The following TXNRD1 variants were observed in gnomAD, a reference collection of about 807,000 sequenced individuals.
TXNRD1 encodes the protein thioredoxin reductase 1, cytoplasmic.
A neutral mutation model predicts 80.3 loss-of-function variants in TXNRD1; 57 were observed. The ratio of observed to expected loss-of-function variants is 0.71; its 90% CI spans 0.57 to 0.89. The LOEUF is 0.89. Among genes scored for constraint, TXNRD1 ranks in the 40% least tolerant of loss-of-function variants. TXNRD1 has a pLI of 0.00. For synonymous variants in TXNRD1, 291 were observed against 285.2 expected (o/e 1.02, Z -0.20); for missense variants, 730 against 803.0 (o/e 0.91, Z 1.10).
intron 13 of TXNRD1, among the ~76,000 whole-genome samples, chr12:104,328,519 G>C (rs2035843253): frequency 6.6e-6 from 1 of 152,134 alleles, no homozygotes; most frequent in Non-Finnish European, 1.5e-5. Flanking sequence ...CACTTTGGGA[G>C]GCTGATGCAG....
chr12:104,305,544 A>G (rs1011517652), intron 4 of TXNRD1, among the ~76,000 whole-genome samples: 2 of 152,230 alleles, frequency 1.3e-5, no homozygotes, highest in African/African-American at 4.8e-5. Flanking sequence ...AAAGGTGAGT[A>G]GAAACACGAA....
chr12:104,311,245 C>T, intron 4 of TXNRD1, 45 bp from the exon 5 acceptor site: 1 of 1,516,448 alleles, frequency 6.6e-7, no homozygotes, highest in Non-Finnish European at 8.8e-7. Context: ...TTGGACATTG[C>T]TGATTTTAAG....
chr12:104,300,759 G>A (rs993824626), intron 4 of TXNRD1, among the ~76,000 whole-genome samples: 41 of 152,002 alleles, frequency 2.7e-4, no homozygotes, highest in African/African-American at 9.9e-4. Context: ...CGCAACCTCT[G>A]CCTCCCAGGT....
intron 12 of TXNRD1, among the ~76,000 whole-genome samples, chr12:104,327,178 G>A (rs1350208089): frequency 6.6e-6 from 1 of 152,164 alleles, no homozygotes; most frequent in Non-Finnish European, 1.5e-5. Context: ...TTTTCTTCCA[G>A]TGCCATTCAC....
At chr12:104,274,744 A>T (rs1164393554) in intron 3 of TXNRD1, among the ~76,000 whole-genome samples, 1 of 151,920 alleles carries the variant, frequency 6.6e-6, no homozygotes, top group Non-Finnish European at 1.5e-5. Context: ...AATAAGCTAT[A>T]TGGCACTTCT....
chr12:104,281,568 G>A (rs948774730), intron 3 of TXNRD1, among the ~76,000 whole-genome samples: 37 of 151,568 alleles, frequency 2.4e-4, no homozygotes, highest in African/African-American at 8.9e-4. Flanking sequence ...TACCACGCCC[G>A]GTTAATTTTT....
intron 14 of TXNRD1, 25 bp from the exon 15 acceptor site, chr12:104,334,211 TA>T: frequency 7.4e-7 from 1 of 1,350,416 alleles, no homozygotes; most frequent in Non-Finnish European, 1.0e-6. Flanking sequence ...ATAATGGGTC[TA>T]AATTTTGCTT....
At chr12:104,216,832 A>G (rs2032225798) in intron 1 of TXNRD1, among the ~76,000 whole-genome samples, 2 of 152,224 alleles carry the variant, frequency 1.3e-5, no homozygotes, top group Admixed American at 1.3e-4. Context: ...AATGGCTAGA[A>G]TTATTAAATG....
At chr12:104,333,350 G>A (rs1216862634) in intron 14 of TXNRD1, among the ~76,000 whole-genome samples, 1 of 152,008 alleles carries the variant, frequency 6.6e-6, no homozygotes, top group Admixed American at 6.6e-5. Context: ...TATTATAGAA[G>A]TATAACGTGT....
chr12:104,267,799 T>TTTCCTTCC (rs1217006695), intron 3 of TXNRD1, among the ~76,000 whole-genome samples: 23 of 140,924 alleles, frequency 1.6e-4, no homozygotes, highest in Non-Finnish European at 3.6e-4. Context: ...TCCTTCCTTC[T>TTTCCTTCC]TTCCTTCCTT....
At chr12:104,324,582 C>T (rs1324303103) in intron 10 of TXNRD1, among the ~76,000 whole-genome samples, 1 of 151,788 alleles carries the variant, frequency 6.6e-6, no homozygotes, top group Non-Finnish European at 1.5e-5. Flanking sequence ...GATCTCCTGA[C>T]CTCATGATCC....
rs945556949 is a variant in TXNRD1, at chr12:104,292,689, C to T, written c.414+3649C>T. ...GGATTACAGTGTGAGCCACCACGCCCGGCTTGCCTTATTGTTTTTGTTTTG... is the reference window on the plus strand; with the variant it reads ...GGATTACAGTGTGAGCCACCACGCCTGGCTTGCCTTATTGTTTTTGTTTTG... On this transcript the variant is annotated intron_variant, in intron 4 of 16. Transcript: ENST00000525566. Among the ~76,000 whole-genome samples, 5 of 152,172 alleles carry T rather than the reference C, an allele frequency of 3.3e-5. No individual in the cohort carries two copies. The East Asian group carries it at 5.8e-4, about 18-fold the overall frequency.
chr12:104,235,763 C>T (rs1362882715), intron 1 of TXNRD1, among the ~76,000 whole-genome samples: 1 of 152,140 alleles, frequency 6.6e-6, no homozygotes, highest in African/African-American at 2.4e-5. Flanking sequence ...TTGAGCCACC[C>T]CAACAAAATG....
intron 3 of TXNRD1, among the ~76,000 whole-genome samples, chr12:104,263,734 A>C (rs368656309): frequency 1.3e-5 from 2 of 152,190 alleles, no homozygotes; most frequent in East Asian, 3.8e-4. Flanking sequence ...TCTGGATGCC[A>C]CATGTCACTA....
chr12:104,298,682 C>T (rs558575849), intron 4 of TXNRD1, among the ~76,000 whole-genome samples: 95 of 152,074 alleles, frequency 6.2e-4, no homozygotes, highest in Admixed American at 3.7e-3. Context: ...TGAGATCACA[C>T]CATTGCACTC....
rs2033454666 is a variant in TXNRD1, at chr12:104,265,306, G to A, written c.304+7227G>A. 5.6e-6 allele frequency: 9 copies of A among 1,600,848 alleles called. No homozygotes were observed. The South Asian group carries it at 6.7e-5, about 12-fold the overall frequency. ...GGGTGGCGGCGAACGCGGAGAGCAC[G>A]CCATGAAGGCCTCGGGCACGCTACG... is the stretch of plus-strand genomic sequence containing the variant. On this transcript the variant is annotated intron_variant, in intron 3 of 16. Transcript: ENST00000525566.
intron 4 of TXNRD1, chr12:104,303,910 G>C (rs1048845237): frequency 6.4e-7 from 1 of 1,559,896 alleles, no homozygotes; most frequent in Non-Finnish European, 8.6e-7. Flanking sequence ...ACGCGGCGAA[G>C]TAGGCGGCGG....
At chr12:104,314,638 A>G (rs2035253110) in intron 6 of TXNRD1, among the ~76,000 whole-genome samples, 1 of 151,804 alleles carries the variant, frequency 6.6e-6, no homozygotes, top group Admixed American at 6.6e-5. Flanking sequence ...TACTAAACCT[A>G]TTTTTAGGGA....
At chr12:104,258,112 G>A (rs759122080) in intron 3 of TXNRD1, 33 bp downstream of exon 3, 5 of 1,427,994 alleles carry the variant, frequency 3.5e-6, no homozygotes, top group African/African-American at 1.4e-5. Context: ...AATCATAGCT[G>A]CTGACTGTAC....
Sources: allele counts gnomAD v4.1 joint callset (sites outside exome capture counted in the v4.1 genomes callset), GRCh38; gene constraint gnomAD v4.1.1; transcripts MANE v1.5; gene names NCBI Gene and HGNC (gene_info 2026-07-23, HGNC 2026-07-21).